The following C8orf34 variants were observed in gnomAD, a reference collection of about 807,000 sequenced individuals.
The protein encoded by C8orf34 is uncharacterized protein C8orf34.
Under a neutral mutation model 68.3 loss-of-function variants are expected in C8orf34, and 65 were observed. The ratio of observed to expected loss-of-function variants is 0.95; its 90% CI spans 0.78 to 1.17. C8orf34 has a LOEUF of 1.17. C8orf34 is among the 50% of genes most tolerant of loss of function. C8orf34 has a pLI of 0.00. For synonymous variants in C8orf34, 244 were observed against 241.2 expected (o/e 1.01, Z -0.11); for missense variants, 664 against 655.4 (o/e 1.01, Z -0.14).
chr8:68,741,018 G>C (rs1822274886), intron 10 of C8orf34, among the ~76,000 whole-genome samples: 1 of 152,036 alleles, frequency 6.6e-6, no homozygotes, highest in Non-Finnish European at 1.5e-5. Flanking sequence ...TTATAAATGG[G>C]AGCTAAATGA....
intron 13 of C8orf34, among the ~76,000 whole-genome samples, 193 bp downstream of exon 13, chr8:68,816,138 C>CTGTGTGTG (rs138646973): frequency 6.1e-4 from 89 of 146,758 alleles, no homozygotes; most frequent in African/African-American, 2.0e-3. Context: ...GTGTGTTTCT[C>CTGTGTGTG]TGTGTGTGTG....
chr8:68,646,491 A>C (rs1819176632), intron 8 of C8orf34, among the ~76,000 whole-genome samples: 1 of 152,118 alleles, frequency 6.6e-6, no homozygotes, highest in African/African-American at 2.4e-5. Flanking sequence ...CTACTTTTTT[A>C]GTTATTGAAA....
chr8:68,693,761 A>G (rs1217159111), intron 8 of C8orf34, among the ~76,000 whole-genome samples: 1 of 152,090 alleles, frequency 6.6e-6, no homozygotes, highest in Non-Finnish European at 1.5e-5. Context: ...TTTGAGTTTC[A>G]GCATCTAACA....
chr8:68,496,043 A>G (rs1020005991), intron 5 of C8orf34, among the ~76,000 whole-genome samples: 1 of 152,164 alleles, frequency 6.6e-6, no homozygotes, highest in African/African-American at 2.4e-5. Context: ...TTATTCTATT[A>G]CATTAAGAGC....
chr8:68,555,172 G>A (rs935352991), intron 7 of C8orf34, among the ~76,000 whole-genome samples: 1 of 152,090 alleles, frequency 6.6e-6, no homozygotes, highest in Non-Finnish European at 1.5e-5. Context: ...AAGAGAACAA[G>A]CATTGGAGAC....
At chr8:68,713,813 G>A (rs997896916) in intron 9 of C8orf34, among the ~76,000 whole-genome samples, 2 of 152,022 alleles carry the variant, frequency 1.3e-5, no homozygotes, top group African/African-American at 4.8e-5. Flanking sequence ...TTACCTTAAT[G>A]CCAAAACCAG....
intron 1 of C8orf34, 154 bp downstream of exon 1, chr8:68,331,493 C>T: frequency 2.4e-6 from 2 of 840,526 alleles, no homozygotes; most frequent in Non-Finnish European, 1.9e-6. Context: ...GGCATTCGCT[C>T]TGTCCCGGCC....
At chr8:68,428,723 A>G (rs1810331838) in intron 1 of C8orf34, among the ~76,000 whole-genome samples, 1 of 152,108 alleles carries the variant, frequency 6.6e-6, no homozygotes, top group South Asian at 2.1e-4. Flanking sequence ...GTGGTCATGA[A>G]GATGTTGTAA....
At chr8:68,715,215 A>T (rs1236428375) in intron 9 of C8orf34, among the ~76,000 whole-genome samples, 3 of 151,998 alleles carry the variant, frequency 2.0e-5, no homozygotes, top group African/African-American at 7.2e-5. Flanking sequence ...CATTAGCTTA[A>T]AGACGTCATG....
At chr8:68,395,324 T>TAC (rs1808650176) in intron 1 of C8orf34, among the ~76,000 whole-genome samples, 4 of 150,868 alleles carry the variant, frequency 2.7e-5, no homozygotes, top group Non-Finnish European at 5.9e-5. Flanking sequence ...GAATGCAAGC[T>TAC]ACACACATGC....
At chr8:68,357,513 G>A (rs917982153) in intron 1 of C8orf34, among the ~76,000 whole-genome samples, 10 of 152,108 alleles carry the variant, frequency 6.6e-5, no homozygotes, top group African/African-American at 2.2e-4. Context: ...TTCATCAGTG[G>A]TTCAGTTTTA....
At chr8:68,718,964 T>C (rs1821552846) in intron 9 of C8orf34, among the ~76,000 whole-genome samples, 1 of 152,130 alleles carries the variant, frequency 6.6e-6, no homozygotes, top group African/African-American at 2.4e-5. Context: ...TTCCCACCCA[T>C]CCATAGGTGA....
intron 5 of C8orf34, among the ~76,000 whole-genome samples, chr8:68,491,055 G>A (rs1212479346): frequency 6.6e-6 from 1 of 152,016 alleles, no homozygotes; most frequent in Non-Finnish European, 1.5e-5. Flanking sequence ...CTAAATATAT[G>A]TTTTTCCCAA....
intron 7 of C8orf34, among the ~76,000 whole-genome samples, chr8:68,563,435 C>G (rs1816493207): frequency 6.6e-6 from 1 of 152,062 alleles, no homozygotes; most frequent in African/African-American, 2.4e-5. Context: ...TTGGAATCAT[C>G]ATAAGAAATG....
At chr8:68,384,820 A>T (rs776232152) in intron 1 of C8orf34, among the ~76,000 whole-genome samples, 9 of 152,166 alleles carry the variant, frequency 5.9e-5, no homozygotes, top group Non-Finnish European at 1.2e-4. Context: ...TCTAATAATA[A>T]CATGATGGAA....
intron 10 of C8orf34, among the ~76,000 whole-genome samples, chr8:68,740,755 A>G (rs1404412821): frequency 1.3e-5 from 2 of 152,230 alleles, no homozygotes; most frequent in Non-Finnish European, 2.9e-5. Context: ...TCAATGGAAT[A>G]TAAATTGTTC....
chr8:68,553,142 T>C (rs1816130882), intron 7 of C8orf34, among the ~76,000 whole-genome samples: 1 of 151,874 alleles, frequency 6.6e-6, no homozygotes, highest in Non-Finnish European at 1.5e-5. Context: ...TCCCAGCACT[T>C]TGGGAGGCCG....
At chr8:68,452,656 G>A (rs1019978354) in intron 3 of C8orf34, among the ~76,000 whole-genome samples, 1 of 147,906 alleles carries the variant, frequency 6.8e-6, no homozygotes, top group African/African-American at 2.5e-5. Flanking sequence ...TTGTATTCTG[G>A]CTACTAGATC....
chr8:68,723,296 G>A (rs1206696025), intron 10 of C8orf34, among the ~76,000 whole-genome samples: 7 of 151,998 alleles, frequency 4.6e-5, no homozygotes, highest in African/African-American at 1.7e-4. Flanking sequence ...TGTCCCAAAT[G>A]AGACTTAAAT....
Sources: gnomAD v4.1 joint callset for allele counts (sites outside exome capture counted in the v4.1 genomes callset) on GRCh38, gnomAD v4.1.1 for gene constraint, MANE v1.5 for transcripts, NCBI Gene and HGNC (gene_info 2026-07-23, HGNC 2026-07-21) for gene names.